Variants in EYS observed in about 807,000 individuals in gnomAD.
EYS encodes the protein EGF-like photoreceptor maintenance factor.
Under a neutral mutation model 282.1 loss-of-function variants are expected in EYS, and 250 were observed. That is an observed-to-expected ratio of 0.89 (90% CI 0.80 to 0.98). EYS has a LOEUF of 0.98. Among genes scored for constraint, EYS ranks in the 50% least tolerant of loss-of-function variants. The pLI is 0.00. For missense variants in EYS, 4,016 were observed against 3,709.0 expected (o/e 1.08, Z -2.15); for synonymous variants, 1,355 against 1,282.9 (o/e 1.06, Z -1.20).
chr6:64,043,978 T>C lies in EYS; in HGVS notation c.6725+22360A>G, dbSNP rs1230079123. 2.0e-5 allele frequency among the ~76,000 whole-genome samples: 3 copies of C among 152,194 alleles called. No homozygotes were observed. The East Asian group carries it at 5.8e-4, about 29-fold the overall frequency. On this transcript the variant is annotated intron_variant, in intron 33 of 42. Coordinates refer to ENST00000503581, the MANE Select transcript of EYS (RefSeq NM_001142800.2). ...AACTCCACACGTAACTTGAGGAACT[T>C]TTCATGAAAACCTTCCTTCCCCTGC...
Position 65,137,140 on chromosome 6 carries a change from T to C in EYS, c.2024-79413A>G, listed in dbSNP as rs1173607807. On this transcript the variant is annotated intron_variant, in intron 12 of 42. Transcript: ENST00000503581. ...GATAAGAAAGTAAACATCCAGCAAA[T>C]AATCACCCCAATGTATAAGTAAATA... is the stretch of plus-strand genomic sequence containing the variant. Among the ~76,000 whole-genome samples the C allele has an allele frequency of 2.6e-5, 4 of 151,876 alleles. No individual in the cohort carries two copies. In the South Asian group the frequency reaches 8.3e-4, roughly 32 times the overall value.
At chr6:64,355,278 G>A (rs1031786363) in intron 29 of EYS, among the ~76,000 whole-genome samples, 35 of 151,538 alleles carry the variant, frequency 2.3e-4, no homozygotes, top group African/African-American at 8.2e-4. Flanking sequence ...CAGCTGCCTA[G>A]GTTTAACTTC....
chr6:65,139,881 G>C (rs989806530), intron 12 of EYS, among the ~76,000 whole-genome samples: 13 of 152,038 alleles, frequency 8.6e-5, no homozygotes, highest in African/African-American at 2.9e-4. Flanking sequence ...CCCCTACCTG[G>C]AGCTACTGAC....
chr6:63,750,716 C>A (rs1277627790), intron 41 of EYS, among the ~76,000 whole-genome samples: 6 of 152,198 alleles, frequency 3.9e-5, no homozygotes, highest in East Asian at 3.8e-4. Context: ...GGAAGGGGAA[C>A]AAATGTGTGT....
chr6:64,159,045 G>C (rs748508793), intron 31 of EYS, among the ~76,000 whole-genome samples: 2 of 152,146 alleles, frequency 1.3e-5, no homozygotes, highest in Non-Finnish European at 1.5e-5. Flanking sequence ...AGTATATACA[G>C]TTGTTCATTG....
chr6:65,644,970 A>G (rs2149815287), intron 1 of EYS, among the ~76,000 whole-genome samples: 1 of 152,316 alleles, frequency 6.6e-6, no homozygotes, highest in African/African-American at 2.4e-5. Flanking sequence ...TAAATCTCAC[A>G]GGACTTATAT....
intron 22 of EYS, among the ~76,000 whole-genome samples, chr6:64,770,256 A>G (rs774973703): frequency 9.9e-5 from 15 of 152,172 alleles, no homozygotes; most frequent in Admixed American, 7.9e-4. Context: ...TGGAAAGGAT[A>G]TGTATATACA....
At chr6:64,240,448 C>A (rs1444988920) in intron 30 of EYS, among the ~76,000 whole-genome samples, 1 of 152,130 alleles carries the variant, frequency 6.6e-6, no homozygotes, top group Admixed American at 6.6e-5. Flanking sequence ...GTTTGTAGTT[C>A]TCCTTGAAGA....
intron 33 of EYS, among the ~76,000 whole-genome samples, chr6:64,057,240 GAA>G (rs1254413760): frequency 1.3e-5 from 2 of 152,110 alleles, no homozygotes; most frequent in Admixed American, 6.5e-5. Context: ...GTGTTGGGTG[GAA>G]AAGAGTTCAG....
chr6:64,031,545 C>T (rs535068380), intron 33 of EYS, among the ~76,000 whole-genome samples: 11 of 152,368 alleles, frequency 7.2e-5, no homozygotes, highest in South Asian at 2.1e-4. Flanking sequence ...GCTCCACCTG[C>T]GGCCCGGTGC....
chr6:63,993,707 T>C (rs910122338), intron 34 of EYS, among the ~76,000 whole-genome samples: 1 of 151,822 alleles, frequency 6.6e-6, no homozygotes, highest in Non-Finnish European at 1.5e-5. Context: ...GGAACATCAA[T>C]AAAATGTCCA....
chr6:64,320,637 T>A (rs1770180922), intron 29 of EYS, among the ~76,000 whole-genome samples: 2 of 151,814 alleles, frequency 1.3e-5, no homozygotes, highest in African/African-American at 4.8e-5. Context: ...TAAAGTCTTT[T>A]ACGTTGATCA....
intron 20 of EYS, 103 bp downstream of exon 20, chr6:64,822,548 A>T (rs2150022565): frequency 1.0e-6 from 1 of 984,068 alleles, no homozygotes; most frequent in South Asian, 1.8e-5. Flanking sequence ...TTTATGAAAG[A>T]GCATAATTAA....
intron 10 of EYS, among the ~76,000 whole-genome samples, chr6:65,342,325 A>G (rs186329376): frequency 2.6e-5 from 4 of 151,224 alleles, no homozygotes; most frequent in East Asian, 2.0e-4. Context: ...CGAAATTTTA[A>G]TAACAGATAT....
intron 14 of EYS, among the ~76,000 whole-genome samples, chr6:64,986,939 T>C (rs1770879903): frequency 6.6e-6 from 1 of 151,380 alleles, no homozygotes; most frequent in Non-Finnish European, 1.5e-5. Context: ...TGGCAAACCT[T>C]AAGAAGAGAG....
At chr6:64,355,596 C>A (rs1402080336) in intron 29 of EYS, among the ~76,000 whole-genome samples, 2 of 151,610 alleles carry the variant, frequency 1.3e-5, no homozygotes, top group African/African-American at 4.8e-5. Flanking sequence ...AATAGAGTTG[C>A]AGAAGCTTCT....
At chr6:64,528,668 C>T (rs1198550292) in intron 26 of EYS, among the ~76,000 whole-genome samples, 1 of 151,854 alleles carries the variant, frequency 6.6e-6, no homozygotes, top group Non-Finnish European at 1.5e-5. Flanking sequence ...AAAATGTCTC[C>T]TCCCACCAAT....
chr6:64,772,067 C>G (rs1430317537), intron 22 of EYS, among the ~76,000 whole-genome samples: 1 of 151,490 alleles, frequency 6.6e-6, no homozygotes, highest in Non-Finnish European at 1.5e-5. Flanking sequence ...ATCCTTCTTT[C>G]TTTTTTGGCA....
intron 34 of EYS, among the ~76,000 whole-genome samples, chr6:63,991,654 G>A (rs952821668): frequency 6.6e-6 from 1 of 151,220 alleles, no homozygotes; most frequent in Non-Finnish European, 1.5e-5. Context: ...TGTCTCAAAA[G>A]GAGAAGAGAG....
Sources: allele counts gnomAD v4.1 joint callset (sites outside exome capture counted in the v4.1 genomes callset), GRCh38; gene constraint gnomAD v4.1.1; transcripts MANE v1.5; gene names NCBI Gene and HGNC (gene_info 2026-07-23, HGNC 2026-07-21).